The following MYO16 variants were observed in gnomAD, a reference collection of about 807,000 sequenced individuals.
MYO16 encodes the protein unconventional myosin-XVI.
In MYO16, 94 loss-of-function variants were observed where a neutral mutation model predicts 205.3. That is an observed-to-expected ratio of 0.46 (90% confidence interval 0.39 to 0.54). The LOEUF is 0.54. Ranked by LOEUF, MYO16 falls within the 20% of genes least tolerant of loss-of-function variation. The probability of loss-of-function intolerance (pLI) is 0.00; values close to 1 mark genes in which losing one functional copy is unlikely to be tolerated. For missense variants in MYO16, 2,315 were observed against 2,387.5 expected, an observed-to-expected ratio of 0.97 and a Z score of 0.63; for synonymous variants, 988 against 954.0, an observed-to-expected ratio of 1.04 and a Z score of -0.66.
At chr13:108,990,457 T>C (rs1461119578) in intron 20 of MYO16, among the ~76,000 whole-genome samples, 1 of 152,212 alleles carries the variant, frequency 6.6e-6, no homozygotes. Context: ...AGTTTAATAG[T>C]TGAAAAAGTG....
At position 108,954,438 on chromosome 13, in the gene MYO16, T is replaced by G. The variant is rs138187212; in HGVS notation, c.1926-3250T>G. Among the ~76,000 whole-genome samples the G allele has an allele frequency of 3.8e-3, 573 of 152,244 alleles. 5 individuals are homozygous for G. Among genetic ancestry groups the G allele is most frequent in the African/African-American group, 0.012 (502 of 41,536 alleles). On this transcript the variant is annotated intron_variant, in intron 16 of 34. Coordinates refer to ENST00000457511, the MANE Select transcript of MYO16 (RefSeq NM_001198950.3). ...TATGGAGAGGGGTTACAGTTTTTTA[T>G]CATTAAGGTTTATCACTAGGGCCAG...
chr13:108,653,846 G>T (rs1881122092), intron 1 of MYO16, among the ~76,000 whole-genome samples: 1 of 151,850 alleles, frequency 6.6e-6, no homozygotes, highest in Admixed American at 6.6e-5. Context: ...CCTAGAAGCA[G>T]AGAATGAAGA....
chr13:108,811,860 C>G (rs985682709), intron 7 of MYO16, among the ~76,000 whole-genome samples: 1 of 152,176 alleles, frequency 6.6e-6, no homozygotes, highest in East Asian at 1.9e-4. Flanking sequence ...CTGTCAATGA[C>G]GAGGCTACAG....
chr13:108,594,575 T>G (rs548399041), upstream of MYO16, among the ~76,000 whole-genome samples: 1 of 152,340 alleles, frequency 6.6e-6, no homozygotes, highest in South Asian at 2.1e-4. Flanking sequence ...TTGGAAACCA[T>G]ATACTGGAGG....
intron 16 of MYO16, among the ~76,000 whole-genome samples, chr13:108,955,456 C>A (rs1252923222): frequency 6.6e-6 from 1 of 152,186 alleles, no homozygotes; most frequent in African/African-American, 2.4e-5. Flanking sequence ...ACATGGCCAC[C>A]ATGGTCTGCT....
At chr13:108,499,946 C>T in the MYO16 span, among the ~76,000 whole-genome samples, 1 of 151,448 alleles carries the variant, frequency 6.6e-6, no homozygotes, top group Non-Finnish European at 1.5e-5. Flanking sequence ...GCTTCTCTGA[C>T]CCCCTCCCTG....
chr13:108,743,848 C>A (rs528307941), intron 4 of MYO16, among the ~76,000 whole-genome samples: 1 of 152,214 alleles, frequency 6.6e-6, no homozygotes, highest in Admixed American at 6.5e-5. Flanking sequence ...AAAATCCAAT[C>A]ATTCCAAAAC....
Position 108,969,229 on chromosome 13 carries a change from G to A in MYO16, c.2369+4327G>A, listed in dbSNP as rs531794187. The stretch of plus-strand genomic sequence containing the variant: ...GTTCACATTAAATTGATCACATTTA[G>A]CAATGAAAATATAATCTTAAATTAC... On this transcript the variant is annotated intron_variant, in intron 20 of 34. Coordinates refer to ENST00000457511, the MANE Select transcript of MYO16 (RefSeq NM_001198950.3). Among the ~76,000 whole-genome samples the A allele has an allele frequency of 3.3e-3, 495 of 152,268 alleles. 3 individuals carry two copies. Among genetic ancestry groups the A allele is most frequent in the Non-Finnish European group, 5.7e-3 (388 of 68,020 alleles).
At chr13:108,663,313 A>AT (rs34321775) in intron 1 of MYO16, among the ~76,000 whole-genome samples, 46,939 of 149,338 alleles carry the variant, frequency 0.31, 7,555 homozygotes, top group African/African-American at 0.41. Flanking sequence ...TTCTTTCTTT[A>AT]TTTTTTTTTT....
intron 16 of MYO16, among the ~76,000 whole-genome samples, chr13:108,944,776 C>T (rs1383106854): frequency 6.6e-6 from 1 of 152,068 alleles, no homozygotes; most frequent in African/African-American, 2.4e-5. Context: ...GATGAAGCAC[C>T]TGAGTTTAAT....
intron 28 of MYO16, among the ~76,000 whole-genome samples, chr13:109,107,903 AC>A (rs1566509708): frequency 1.3e-5 from 2 of 150,710 alleles, no homozygotes; most frequent in East Asian, 3.9e-4. Context: ...ACATGCATAC[AC>A]ACACGCCATA....
intron 12 of MYO16, among the ~76,000 whole-genome samples, chr13:108,875,861 G>A (rs919296393): frequency 2.0e-5 from 3 of 152,030 alleles, no homozygotes; most frequent in Non-Finnish European, 2.9e-5. Context: ...GCAGCTGAGC[G>A]AGACCCTGTC....
the MYO16 span, among the ~76,000 whole-genome samples, chr13:108,538,022 AT>A: frequency 6.6e-6 from 1 of 151,966 alleles, no homozygotes; most frequent in Admixed American, 6.6e-5. Context: ...GTTTAAGCCC[AT>A]TTGTCTATTT....
intron 34 of MYO16, among the ~76,000 whole-genome samples, chr13:109,183,044 C>A (rs1441533939): frequency 6.6e-6 from 1 of 152,146 alleles, no homozygotes; most frequent in Non-Finnish European, 1.5e-5. Flanking sequence ...GGACTCAAAT[C>A]TAGAATTTCG....
At chr13:108,879,052 G>T (rs960882169) in intron 12 of MYO16, among the ~76,000 whole-genome samples, 4 of 152,214 alleles carry the variant, frequency 2.6e-5, no homozygotes, top group African/African-American at 9.6e-5. Context: ...TGCTTATGTT[G>T]CTAAGCATGC....
intron 16 of MYO16, among the ~76,000 whole-genome samples, chr13:108,934,579 T>C (rs1307226376): frequency 6.6e-6 from 1 of 152,200 alleles, no homozygotes; most frequent in Non-Finnish European, 1.5e-5. Context: ...TTTTTCGTTG[T>C]TCAGAAGCTC....
At chr13:108,507,183 C>A in the MYO16 span, among the ~76,000 whole-genome samples, 3 of 152,184 alleles carry the variant, frequency 2.0e-5, 1 homozygote, top group South Asian at 6.2e-4. Context: ...TGTCATAAAC[C>A]AAGGAGCATC....
chr13:109,178,959 A>G (rs913764339), intron 33 of MYO16, among the ~76,000 whole-genome samples: 4 of 152,126 alleles, frequency 2.6e-5, no homozygotes, highest in African/African-American at 9.7e-5. Flanking sequence ...CCTACAAGTT[A>G]CTCTGCATGG....
chr13:109,129,122 A>G (rs1331994456), intron 31 of MYO16, among the ~76,000 whole-genome samples: 2 of 150,896 alleles, frequency 1.3e-5, no homozygotes, highest in African/African-American at 4.9e-5. Flanking sequence ...ATTGTCATTA[A>G]CTATTGTCAC....
Sources: allele counts gnomAD v4.1 joint callset (sites outside exome capture counted in the v4.1 genomes callset), GRCh38; gene constraint gnomAD v4.1.1; transcripts MANE v1.5; gene names NCBI Gene and HGNC (gene_info 2026-07-23, HGNC 2026-07-21).